ADGRL2: variants seen among roughly 807,000 people sequenced by gnomAD.
ADGRL2 encodes calcium-independent alpha-latrotoxin receptor 2.
In ADGRL2, 44 loss-of-function variants were observed where a neutral mutation model predicts 157.4. The observed-to-expected ratio is 0.28, with a 90% CI of 0.22 to 0.36. The LOEUF is 0.36. Among genes scored for constraint, ADGRL2 ranks in the 10% least tolerant of loss-of-function variants. ADGRL2 has a pLI of 1.00. For synonymous variants in ADGRL2, 585 were observed against 624.7 expected (o/e 0.94, Z 0.95); for missense variants, 1,510 against 1,768.9 (o/e 0.85, Z 2.63).
chr1:81,412,325 G>A (rs2076959682), intron 1 of ADGRL2, among the ~76,000 whole-genome samples: 3 of 152,170 alleles, frequency 2.0e-5, no homozygotes, highest in South Asian at 4.1e-4. Flanking sequence ...AAGGAGTGGA[G>A]TTTTGTTAAA....
chr1:81,467,920 TTAGTC>T (rs1463569950), intron 2 of ADGRL2, among the ~76,000 whole-genome samples: 4 of 152,168 alleles, frequency 2.6e-5, no homozygotes, highest in Non-Finnish European at 4.4e-5. Context: ...AGAATTGAAA[TTAGTC>T]AAAAATAATA....
chr1:81,387,369 A>T (rs1225673215), intron 1 of ADGRL2, among the ~76,000 whole-genome samples: 1 of 152,154 alleles, frequency 6.6e-6, no homozygotes, highest in Admixed American at 6.6e-5. Context: ...GAAAATTAGG[A>T]AAGTTTTTTT....
At chr1:81,629,667 ATGTGTGTGTGTGTGTGTG>A (rs60497907) in intron 3 of ADGRL2, among the ~76,000 whole-genome samples, 4 of 149,282 alleles carry the variant, frequency 2.7e-5, no homozygotes, top group South Asian at 2.1e-4. Context: ...ATGAATGTAT[ATGTGTGTGTGTGTGTGTG>A]TGTGTGTGTG....
intron 2 of ADGRL2, among the ~76,000 whole-genome samples, chr1:81,850,220 G>A (rs2092950496): frequency 6.6e-6 from 1 of 151,908 alleles, no homozygotes; most frequent in Non-Finnish European, 1.5e-5. Flanking sequence ...TCTTACAGCT[G>A]TCTAATATCA....
chr1:81,489,009 G>A (rs12097064), intron 2 of ADGRL2, among the ~76,000 whole-genome samples: 2,933 of 152,188 alleles, frequency 0.019, 107 homozygotes, highest in African/African-American at 0.067. Flanking sequence ...GTTGAGGTGG[G>A]TTGAGATCAC....
chr1:81,310,311 C>T (rs1457248506), intron 1 of ADGRL2, among the ~76,000 whole-genome samples: 1 of 152,140 alleles, frequency 6.6e-6, no homozygotes, highest in Non-Finnish European at 1.5e-5. Flanking sequence ...TGAATTGTCT[C>T]CCACTTTCTT....
rs1423593785 is a variant in ADGRL2 at position 81,889,274 on chromosome 1, C to T, written c.74-17743C>T. Among the ~76,000 whole-genome samples, 4 of 152,240 alleles carry T rather than the reference C, an allele frequency of 2.6e-5. No homozygotes were observed. In the South Asian group the frequency reaches 6.2e-4, roughly 24 times the overall value. On this transcript the variant is annotated intron_variant, in intron 2 of 23. Transcript: ENST00000686636. ...GGCCTCTTGTGCCAGTTAGCCAAGT[C>T]GTGAATGCAAGGAAAAAGTTCTTGA...
chr1:81,353,156 G>A (rs533600649), intron 1 of ADGRL2, among the ~76,000 whole-genome samples: 1 of 152,198 alleles, frequency 6.6e-6, no homozygotes, highest in South Asian at 2.1e-4. Context: ...TTGCACCCAG[G>A]CAGTCTCTCT....
intron 3 of ADGRL2, among the ~76,000 whole-genome samples, chr1:81,663,722 G>C (rs897283000): frequency 6.6e-6 from 1 of 152,184 alleles, no homozygotes; most frequent in African/African-American, 2.4e-5. Flanking sequence ...ATTTGGTCTT[G>C]CTATTAAATC....
At chr1:81,944,301 AG>A (rs983358403) in intron 6 of ADGRL2, among the ~76,000 whole-genome samples, 7 of 152,096 alleles carry the variant, frequency 4.6e-5, no homozygotes, top group Admixed American at 2.6e-4. Flanking sequence ...CTGATAAATT[AG>A]TGACAGTTTG....
At position 81,754,231 on chromosome 1, in the gene ADGRL2, T is replaced by C. The variant is rs535275860; in HGVS notation, c.-142-7580T>C. On this transcript the variant is annotated intron_variant, in intron 1 of 20. Transcript: ENST00000359929. ...TCCCTCCCTTCCTTCCTCTCTCTCT[T>C]TCTTTCTTTCTTTCAATAACACAGT... Among the ~76,000 whole-genome samples the C allele has an allele frequency of 2.1e-3, 303 of 142,704 alleles. 1 individual carries two copies. Among genetic ancestry groups the C allele is most frequent in the African/African-American group, 7.0e-3 (278 of 39,546 alleles). The allele number at this position is 142,704 out of a possible 152,430, so 93.6% of individuals were successfully genotyped here.
chr1:81,400,462 C>T (rs946936572), intron 1 of ADGRL2, among the ~76,000 whole-genome samples: 3 of 152,018 alleles, frequency 2.0e-5, no homozygotes, highest in South Asian at 2.1e-4. Context: ...GATTTTACCC[C>T]GGGAGACTGG....
At chr1:81,505,634 A>C (rs1277010385) in intron 2 of ADGRL2, among the ~76,000 whole-genome samples, 3 of 150,390 alleles carry the variant, frequency 2.0e-5, no homozygotes, top group African/African-American at 7.4e-5. Flanking sequence ...CAGCCAGGGC[A>C]GCTCTGTCCC....
intron 1 of ADGRL2, among the ~76,000 whole-genome samples, chr1:81,411,137 T>C (rs1162190514): frequency 6.6e-6 from 1 of 152,184 alleles, no homozygotes; most frequent in African/African-American, 2.4e-5. Context: ...GGGCATTCTA[T>C]GAATAGCTGC....
intron 2 of ADGRL2, among the ~76,000 whole-genome samples, chr1:81,880,762 C>G (rs940851411): frequency 2.0e-5 from 3 of 151,598 alleles, no homozygotes; most frequent in Admixed American, 2.0e-4. Context: ...TGTTAAGGGA[C>G]AGAATTTTTC....
At chr1:81,388,706 G>A (rs1044345170) in intron 1 of ADGRL2, among the ~76,000 whole-genome samples, 1 of 152,144 alleles carries the variant, frequency 6.6e-6, no homozygotes, top group African/African-American at 2.4e-5. Context: ...CATCGGATCT[G>A]CGGGTACCTT....
At chr1:81,557,482 G>GAAAGAAAGAAAGAAAGAAGA (rs370696204) in intron 2 of ADGRL2, 3 of 120,064 alleles carry the variant, frequency 2.5e-5, no homozygotes, top group Non-Finnish European at 5.2e-5. Flanking sequence ...AAGAAAGAAA[G>GAAAGAAAGAAAGAAAGAAGA]AAGAAAGAAA....
At chr1:81,704,156 C>T (rs1329319848) in intron 1 of ADGRL2, among the ~76,000 whole-genome samples, 1 of 152,220 alleles carries the variant, frequency 6.6e-6, no homozygotes, top group Non-Finnish European at 1.5e-5. Flanking sequence ...GCTCATACCA[C>T]CTGGGTGAAA....
intron 19 of ADGRL2, among the ~76,000 whole-genome samples, chr1:81,983,732 A>C (rs1207619324): frequency 1.3e-5 from 2 of 151,992 alleles, no homozygotes; most frequent in Non-Finnish European, 2.9e-5. Flanking sequence ...CTCCCTCTTA[A>C]TTCTGTACCA....
Sources: allele counts gnomAD v4.1 joint callset (sites outside exome capture counted in the v4.1 genomes callset), GRCh38; gene constraint gnomAD v4.1.1; transcripts MANE v1.5; gene names NCBI Gene and HGNC (gene_info 2026-07-23, HGNC 2026-07-21).